MAN1C1: variants seen among roughly 807,000 people sequenced by gnomAD.
MAN1C1 encodes mannosidase alpha class 1C member 1.
MAN1C1 carries 49 observed loss-of-function variants against 71.5 expected under a neutral mutation model. The observed-to-expected ratio is 0.69, with a 90% confidence interval of 0.54 to 0.87. The LOEUF (loss-of-function observed/expected upper bound fraction) is 0.87. Ranked by LOEUF, MAN1C1 falls within the 40% of genes least tolerant of loss-of-function variation. The probability of loss-of-function intolerance (pLI) is 0.00; values close to 1 mark genes in which losing one functional copy is unlikely to be tolerated. For missense variants in MAN1C1, 743 were observed against 835.0 expected (o/e 0.89, Z 1.36); for synonymous variants, 352 against 343.7 (o/e 1.02, Z -0.27).
intron 2 of MAN1C1, among the ~76,000 whole-genome samples, chr1:25,723,019 A>G (rs1228597440): frequency 1.3e-5 from 2 of 152,174 alleles, no homozygotes; most frequent in Non-Finnish European, 2.9e-5. Context: ...TTTGTCCTCA[A>G]TGTTTCATGA....
intron 1 of MAN1C1, among the ~76,000 whole-genome samples, chr1:25,683,549 G>A (rs1167549891): frequency 6.6e-6 from 1 of 152,070 alleles, no homozygotes; most frequent in East Asian, 1.9e-4. Context: ...GCCACCATGG[G>A]TCTGCATCAG....
chr1:25,748,444 A>C (rs2047167803), intron 3 of MAN1C1, among the ~76,000 whole-genome samples: 1 of 152,214 alleles, frequency 6.6e-6, no homozygotes, highest in Non-Finnish European at 1.5e-5. Flanking sequence ...GGGTGACAAC[A>C]GGCATGTCTG....
chr1:25,662,812 A>G (rs965739537), intron 1 of MAN1C1, among the ~76,000 whole-genome samples: 15 of 152,212 alleles, frequency 9.9e-5, no homozygotes, highest in Non-Finnish European at 2.1e-4. Flanking sequence ...CTGTAATCCC[A>G]GCACTTTGGG....
chr1:25,716,138 T>TATATG (rs2046676711), intron 2 of MAN1C1, among the ~76,000 whole-genome samples: 1 of 152,172 alleles, frequency 6.6e-6, no homozygotes, highest in Non-Finnish European at 1.5e-5. Flanking sequence ...CAGAACTCAG[T>TATATG]CATATGCCTA....
chr1:25,712,993 A>T (rs978367537), intron 2 of MAN1C1, among the ~76,000 whole-genome samples: 14 of 152,234 alleles, frequency 9.2e-5, no homozygotes, highest in African/African-American at 3.4e-4. Context: ...AGGATCATCT[A>T]TGCAGTTGTC....
At chr1:25,733,639 A>G in intron 2 of MAN1C1, among the ~76,000 whole-genome samples, 1 of 152,014 alleles carries the variant, frequency 6.6e-6, no homozygotes, top group East Asian at 1.9e-4. Context: ...TCATTCCACT[A>G]GGCTCCAGTG....
At position 25,631,357 on chromosome 1, in the gene MAN1C1, G is replaced by A. The variant is rs183613393; in HGVS notation, c.540+13020G>A. On this transcript the variant is annotated intron_variant, in intron 1 of 11. Coordinates refer to ENST00000374332, the MANE Select transcript of MAN1C1 (RefSeq NM_020379.4). The surrounding 1 kb of genome is among the most constrained non-coding windows in gnomAD (Gnocchi z 4.2). ...GAATGCCTTAAACTTTTCCCCATTC[G>A]GTATGATGTTGGTTATGGGTTTGTC... is the stretch of plus-strand genomic sequence containing the variant. Among the ~76,000 whole-genome samples, 15 of 152,156 alleles carry A rather than the reference G, an allele frequency of 9.9e-5. No homozygotes were observed. Among genetic ancestry groups the A allele is most frequent in the South Asian group, 2.1e-4 (1 of 4,804 alleles).
chr1:25,656,635 A>G (rs931414188), intron 1 of MAN1C1, among the ~76,000 whole-genome samples: 2 of 152,088 alleles, frequency 1.3e-5, no homozygotes, highest in South Asian at 2.1e-4. Flanking sequence ...GCTGTATGTC[A>G]GGCTGTGCTT....
intron 8 of MAN1C1, among the ~76,000 whole-genome samples, chr1:25,774,215 G>A (rs149091220): frequency 3.3e-5 from 5 of 152,356 alleles, no homozygotes; most frequent in African/African-American, 1.2e-4. Context: ...GTCCAGCTGG[G>A]ATGGACCGGG....
At chr1:25,678,985 C>T (rs1164861215) in intron 1 of MAN1C1, among the ~76,000 whole-genome samples, 1 of 150,570 alleles carries the variant, frequency 6.6e-6, no homozygotes, top group Non-Finnish European at 1.5e-5. Flanking sequence ...GAGACAGAGA[C>T]AAGAAGAGAG....
In MAN1C1 at chr1:25,784,006, C is replaced by T. The variant is rs1270427238; in HGVS notation, c.*217C>T. 3.9e-6 allele frequency: 2 copies of T among 517,224 alleles called. No individual in the cohort carries two copies. Among genetic ancestry groups the T allele is most frequent in the South Asian group, 3.6e-5 (1 of 27,826 alleles). 32.0% of individuals were successfully genotyped at this position (517,224 alleles called of 1,614,324 possible). A position where few individuals can be genotyped will look rare whatever the true frequency, so the allele number is the denominator to read the frequency against. On this transcript the variant is annotated 3_prime_UTR_variant, in exon 12 of 12. Transcript: ENST00000374332. The stretch of plus-strand genomic sequence containing the variant: ...CATGGCCACACTGGCCCACACATTC[C>T]TTTCTACAGAGAATTTCTATGAAGC...
chr1:25,650,805 T>TAAA (rs2045680727), intron 1 of MAN1C1, among the ~76,000 whole-genome samples: 1 of 152,160 alleles, frequency 6.6e-6, no homozygotes, highest in African/African-American at 2.4e-5. Flanking sequence ...AATTTAGTCC[T>TAAA]TACAGAAGGA....
At chr1:25,748,212 G>T (rs1031415496) in intron 3 of MAN1C1, among the ~76,000 whole-genome samples, 4 of 152,166 alleles carry the variant, frequency 2.6e-5, no homozygotes, top group Non-Finnish European at 4.4e-5. Context: ...AGAAAGCAAG[G>T]TGGGGTCACT....
intron 7 of MAN1C1, among the ~76,000 whole-genome samples, chr1:25,770,303 A>G (rs1296076880): frequency 6.6e-6 from 1 of 152,174 alleles, no homozygotes; most frequent in Non-Finnish European, 1.5e-5. Flanking sequence ...GCTCTGGAAC[A>G]CTTGCTGGGC....
chr1:25,690,758 G>A (rs535557513), intron 2 of MAN1C1, among the ~76,000 whole-genome samples: 1 of 152,358 alleles, frequency 6.6e-6, no homozygotes, highest in East Asian at 1.9e-4. Flanking sequence ...TCCAGTCTGT[G>A]GTGAGGATTA....
chr1:25,629,641 G>A (rs996649481), intron 1 of MAN1C1, among the ~76,000 whole-genome samples: 2 of 151,924 alleles, frequency 1.3e-5, no homozygotes, highest in Non-Finnish European at 2.9e-5. Context: ...GGCTGGTCTC[G>A]AACTCCCTAC....
intron 2 of MAN1C1, among the ~76,000 whole-genome samples, chr1:25,733,987 G>A (rs2046945919): frequency 6.6e-6 from 1 of 151,888 alleles, no homozygotes. Context: ...TTTTAGTAGA[G>A]ATGGGGTTTC....
chr1:25,632,072 C>G (rs1308795375), intron 1 of MAN1C1, among the ~76,000 whole-genome samples: 1 of 152,206 alleles, frequency 6.6e-6, no homozygotes, highest in African/African-American at 2.4e-5. Context: ...GCTGCCGTGT[C>G]CAGCCCCAAT....
chr1:25,724,597 G>A (rs1172692042), intron 2 of MAN1C1, among the ~76,000 whole-genome samples: 4 of 152,226 alleles, frequency 2.6e-5, no homozygotes, highest in African/African-American at 9.6e-5. Flanking sequence ...CCCAGAGGAA[G>A]AGAGTGGGGA....
Sources: allele counts gnomAD v4.1 joint callset (sites outside exome capture counted in the v4.1 genomes callset), GRCh38; gene constraint gnomAD v4.1.1; non-coding constraint Gnocchi (gnomAD v3.1); transcripts MANE v1.5; gene names NCBI Gene and HGNC (gene_info 2026-07-23, HGNC 2026-07-21).